The following ESRRG variants were observed in gnomAD, a reference collection of about 807,000 sequenced individuals.
The protein encoded by ESRRG is estrogen-related receptor gamma.
A neutral mutation model predicts 44.0 loss-of-function variants in ESRRG; 13 were observed. The ratio of observed to expected loss-of-function variants is 0.30; its 90% confidence interval spans 0.19 to 0.47. The LOEUF is 0.47. Ranked by LOEUF, ESRRG falls within the 20% of genes least tolerant of loss-of-function variation. ESRRG has a pLI of 1.00. For missense variants in ESRRG, 395 were observed against 580.6 expected, an observed-to-expected ratio of 0.68 and a Z score of 3.29; for synonymous variants, 215 against 214.6, an observed-to-expected ratio of 1.00 and a Z score of -0.02.
intron 2 of ESRRG, among the ~76,000 whole-genome samples, chr1:216,888,440 T>C (rs1219591315): frequency 6.6e-6 from 1 of 152,208 alleles, no homozygotes; most frequent in East Asian, 1.9e-4. Flanking sequence ...TTGTCTTATT[T>C]ATTCATGTAT....
intron 5 of ESRRG, among the ~76,000 whole-genome samples, chr1:216,551,152 T>A (rs922500094): frequency 2.0e-5 from 3 of 152,194 alleles, no homozygotes; most frequent in African/African-American, 7.2e-5. Context: ...AATATTTTGA[T>A]AATGCATAAA....
chr1:216,659,239 T>C (rs968972779), intron 2 of ESRRG, among the ~76,000 whole-genome samples: 31 of 152,116 alleles, frequency 2.0e-4, no homozygotes, highest in African/African-American at 7.2e-4. Flanking sequence ...AAAACCACCT[T>C]CCTCAGATTT....
intron 1 of ESRRG, among the ~76,000 whole-genome samples, chr1:216,995,215 T>A (rs1008061540): frequency 2.0e-5 from 3 of 152,168 alleles, no homozygotes; most frequent in Non-Finnish European, 2.9e-5. Flanking sequence ...TCTCTTTATA[T>A]ACCCTGAATT....
chr1:216,511,818 C>T (rs2042813210), intron 6 of ESRRG, among the ~76,000 whole-genome samples: 1 of 151,938 alleles, frequency 6.6e-6, no homozygotes, highest in Non-Finnish European at 1.5e-5. Flanking sequence ...GAAGAGGTTC[C>T]CACTGAAAAA....
intron 2 of ESRRG, among the ~76,000 whole-genome samples, chr1:216,909,101 C>T (rs746359004): frequency 6.6e-6 from 1 of 152,106 alleles, no homozygotes; most frequent in Non-Finnish European, 1.5e-5. Flanking sequence ...TTGACTAGAT[C>T]ACATTTACAG....
intron 1 of ESRRG, among the ~76,000 whole-genome samples, chr1:217,096,901 A>G (rs965065838): frequency 6.6e-6 from 1 of 152,246 alleles, no homozygotes; most frequent in Non-Finnish European, 1.5e-5. Context: ...ATTTGCCTGC[A>G]TCTGTTCCAA....
intron 1 of ESRRG, among the ~76,000 whole-genome samples, chr1:216,948,768 G>GT (rs2066494601): frequency 6.6e-6 from 1 of 152,024 alleles, no homozygotes. Context: ...TTTGCATAAG[G>GT]TTTTTAGCTG....
rs1416610 is a variant in ESRRG at position 216,717,838 on chromosome 1, C to T, written c.56+5406G>A. On this transcript the variant is annotated intron_variant, in intron 1 of 6. Transcript: ENST00000408911. Reference sequence around the variant, plus strand: ...TTATGTAGTACAGATAAAGGAAATTCATATTTTGCATTTGTTTGAAAGCTA... The same window carrying T: ...TTATGTAGTACAGATAAAGGAAATTTATATTTTGCATTTGTTTGAAAGCTA... Among the ~76,000 whole-genome samples the T allele has an allele frequency of 3.2e-3, 483 of 151,726 alleles. 4 individuals carry two copies. Among genetic ancestry groups the T allele is most frequent in the African/African-American group, 0.011 (465 of 41,482 alleles).
chr1:217,058,888 T>C (rs975031850), intron 1 of ESRRG, among the ~76,000 whole-genome samples: 3 of 61,790 alleles, frequency 4.9e-5, no homozygotes, highest in African/African-American at 1.1e-4. Flanking sequence ...ACTATAGATA[T>C]TATAATGTAA....
intron 2 of ESRRG, among the ~76,000 whole-genome samples, chr1:216,848,978 C>T (rs1196492589): frequency 1.3e-5 from 2 of 151,978 alleles, no homozygotes; most frequent in Non-Finnish European, 2.9e-5. Flanking sequence ...GGACGAAATG[C>T]CTTTCTGATA....
At chr1:216,922,204 G>A (rs2061935434) in intron 2 of ESRRG, among the ~76,000 whole-genome samples, 1 of 152,162 alleles carries the variant, frequency 6.6e-6, no homozygotes, top group Non-Finnish European at 1.5e-5. Context: ...ACTGTCACTT[G>A]ATTTGCCATC....
intron 1 of ESRRG, among the ~76,000 whole-genome samples, chr1:217,083,832 A>G (rs561331520): frequency 1.3e-5 from 2 of 152,364 alleles, no homozygotes; most frequent in East Asian, 1.9e-4. Flanking sequence ...TTGGAAAAAT[A>G]TATAGCCCAT....
At chr1:216,979,019 G>A (rs376429593) in intron 1 of ESRRG, among the ~76,000 whole-genome samples, 3 of 152,202 alleles carry the variant, frequency 2.0e-5, no homozygotes, top group African/African-American at 7.2e-5. Flanking sequence ...GCCTTAGAGA[G>A]GAGAAGTTTG....
intron 3 of ESRRG, among the ~76,000 whole-genome samples, chr1:216,603,921 T>A: frequency 1.8e-5 from 2 of 110,046 alleles, no homozygotes; most frequent in African/African-American, 3.6e-5. Flanking sequence ...CGACAGAGAC[T>A]CTGAATCAAA....
chr1:216,516,668 C>CACACACACAGAGAGAG (rs376701865), intron 6 of ESRRG, among the ~76,000 whole-genome samples: 9 of 137,166 alleles, frequency 6.6e-5, no homozygotes, highest in African/African-American at 2.6e-4. Context: ...CACACACACA[C>CACACACACAGAGAGAG]AGAGAGAGAG....
At position 216,779,955 on chromosome 1, in the gene ESRRG, A is replaced by C. The variant is rs533694450; in HGVS notation, c.-13-102464T>G. 9.3e-4 allele frequency among the ~76,000 whole-genome samples: 141 copies of C among 152,024 alleles called. 2 individuals carry two copies. The highest frequency in any genetic ancestry group is 3.3e-3 in the African/African-American group (136 of 41,464). ...CCATGTATAAAGTGACTAGCAGCCA[A>C]CATGTTCTATACACCTAAGATAGAA... On this transcript the variant is annotated intron_variant, in intron 2 of 7. Coordinates refer to the ESRRG transcript ENST00000359162.
At chr1:216,545,231 T>A (rs911220196) in intron 5 of ESRRG, among the ~76,000 whole-genome samples, 1 of 82,172 alleles carries the variant, frequency 1.2e-5, no homozygotes, top group African/African-American at 3.7e-5. Flanking sequence ...AATTTTTATG[T>A]TTTTTTTTTT....
intron 1 of ESRRG, among the ~76,000 whole-genome samples, chr1:216,707,663 A>G (rs538261827): frequency 7.7e-4 from 117 of 152,314 alleles, no homozygotes; most frequent in African/African-American, 2.7e-3. Context: ...ACATATTTTT[A>G]TCATTCATTT....
chr1:216,945,797 T>G (rs2065968439), intron 1 of ESRRG, among the ~76,000 whole-genome samples: 2 of 152,190 alleles, frequency 1.3e-5, no homozygotes, highest in Non-Finnish European at 2.9e-5. Flanking sequence ...GCTGCTGTAT[T>G]TCAGTCCAGT....
Sources: allele counts gnomAD v4.1 joint callset (sites outside exome capture counted in the v4.1 genomes callset), GRCh38; gene constraint gnomAD v4.1.1; transcripts MANE v1.5; gene names NCBI Gene and HGNC (gene_info 2026-07-23, HGNC 2026-07-21).